HMCN2: variants seen among roughly 807,000 people sequenced by gnomAD.
HMCN2 encodes hemicentin 2, also known as hemicentin-2.
In HMCN2, 325 loss-of-function variants were observed where a neutral mutation model predicts 377.5. That is an observed-to-expected ratio of 0.86 (90% CI 0.79 to 0.94). The LOEUF (loss-of-function observed/expected upper bound fraction) is 0.94, where lower values mean the gene tolerates loss of function less well. Ranked by LOEUF, HMCN2 falls within the 40% of genes least tolerant of loss-of-function variation. The probability of loss-of-function intolerance (pLI) is 0.00; values close to 1 mark genes in which losing one functional copy is unlikely to be tolerated. For missense variants in HMCN2, 4,543 were observed against 4,725.3 expected, an observed-to-expected ratio of 0.96 and a Z score of 1.13; for synonymous variants, 2,007 against 2,046.8, an observed-to-expected ratio of 0.98 and a Z score of 0.53.
intron 61 of HMCN2, among the ~76,000 whole-genome samples, chr9:130,387,327 A>C (rs62580987): frequency 2.6e-5 from 4 of 152,150 alleles, no homozygotes; most frequent in African/African-American, 7.2e-5. Flanking sequence ...ACTCTTATTC[A>C]AAAGCCCAGA....
chr9:130,372,697 C>T (rs1331608798), intron 47 of HMCN2, among the ~76,000 whole-genome samples: 4 of 152,236 alleles, frequency 2.6e-5, no homozygotes, highest in Admixed American at 2.0e-4. Context: ...GATCGTGCCA[C>T]TGCACTCCAG....
At chr9:130,309,449 A>G (rs1837093237) in intron 14 of HMCN2, among the ~76,000 whole-genome samples, 1 of 137,414 alleles carries the variant, frequency 7.3e-6, no homozygotes, top group Non-Finnish European at 1.5e-5. Flanking sequence ...TGGGAGGTAG[A>G]GGTTGCAGTG....
chr9:130,403,195 C>A lies in HMCN2; in HGVS notation c.11880C>A (p.Ala3960=). The A allele has an allele frequency of 1.6e-6, 2 of 1,288,894 alleles. No individual in the cohort carries two copies. Among genetic ancestry groups the A allele is most frequent in the Non-Finnish European group, 2.0e-6 (2 of 988,244 alleles). The allele number at this position is 1,288,894 out of a possible 1,614,324, so 79.8% of individuals were successfully genotyped here. Reference sequence around the variant, plus strand: ...CCTCTGCACCCCCGTCCTTTGTAGCCTCCCCGGTGGTGAAGCCGCTGCCCA... The same window carrying A: ...CCTCTGCACCCCCGTCCTTTGTAGCATCCCCGGTGGTGAAGCCGCTGCCCA... The part of the protein sequence containing the change: ...AHKHVFLTVQ[A]SPVVKPLPSV... The change falls in exon 79 of 98, where the codon GCC becomes GCA. Residue 3960 remains alanine (A), a splice_region_variant and synonymous_variant. Coordinates refer to ENST00000683500, the MANE Select transcript of HMCN2 (RefSeq NM_001291815.2).
intron 74 of HMCN2, 111 bp downstream of exon 74, chr9:130,397,766 T>A: frequency 9.8e-7 from 1 of 1,019,840 alleles, no homozygotes; most frequent in Non-Finnish European, 1.3e-6. Flanking sequence ...TCTTCAAATG[T>A]TTTTGACCAT....
At chr9:130,378,397 AGGGGG>A (rs1841510524) in intron 53 of HMCN2, among the ~76,000 whole-genome samples, 1 of 38,682 alleles carries the variant, frequency 2.6e-5, no homozygotes, top group Non-Finnish European at 4.6e-5. Flanking sequence ...GGAGGCTGGG[AGGGGG>A]AGGCAGGGAG....
At chr9:130,390,931 G>A in intron 62 of HMCN2, 46 bp from the exon 63 acceptor site, 1 of 985,406 alleles carries the variant, frequency 1.0e-6, no homozygotes. Context: ...TTTCCTATGA[G>A]CACAAGAAGG....
chr9:130,377,210 T>A (rs1348656794), intron 52 of HMCN2, among the ~76,000 whole-genome samples: 3 of 151,998 alleles, frequency 2.0e-5, no homozygotes, highest in Non-Finnish European at 4.4e-5. Flanking sequence ...GCCTCCTGGG[T>A]TCAAGTGATT....
intron 39 of HMCN2, among the ~76,000 whole-genome samples, chr9:130,362,629 A>G (rs1444459316): frequency 6.6e-6 from 1 of 152,222 alleles, no homozygotes; most frequent in Non-Finnish European, 1.5e-5. Flanking sequence ...ATGTGTGGCG[A>G]GTGGACAGAG....
intron 23 of HMCN2, among the ~76,000 whole-genome samples, chr9:130,340,520 C>CTTT (rs879005826): frequency 4.6e-4 from 66 of 144,234 alleles, no homozygotes; most frequent in South Asian, 1.8e-3. Context: ...CCAAGTGGCG[C>CTTT]TTTTTTTTTT....
At chr9:130,363,973 GGAAA>G (rs1022744447) in intron 40 of HMCN2, among the ~76,000 whole-genome samples, 25 of 146,680 alleles carry the variant, frequency 1.7e-4, no homozygotes, top group South Asian at 4.4e-4. Context: ...AAGGAAGGAA[GGAAA>G]GAAAGAAAGA....
At chr9:130,287,732 A>G (rs1448973989) in intron 4 of HMCN2, among the ~76,000 whole-genome samples, 1 of 152,142 alleles carries the variant, frequency 6.6e-6, no homozygotes, top group Non-Finnish European at 1.5e-5. Context: ...AGCACTTTAC[A>G]TTTCCCAGCT....
chr9:130,360,676 TC>T lies in HMCN2; in HGVS notation c.5950+74del. The T allele has an allele frequency of 1.1e-6, 1 of 939,614 alleles. No individual in the cohort carries two copies. The highest frequency in any genetic ancestry group is 1.4e-6 in the Non-Finnish European group (1 of 693,160). The allele number at this position is 939,614 out of a possible 1,614,324, so 58.2% of individuals were successfully genotyped here. A position where few individuals can be genotyped will look rare whatever the true frequency, so the allele number is the denominator to read the frequency against. ...TTTCATTCATTTGTCTATTAGTCTG[TC>T]CATCCACCTGTCCACTCATCCATCC... On this transcript the variant is annotated intron_variant, in intron 38 of 97. Transcript: ENST00000683500. This position sits in a 1 kb window ranked among gnomAD's most constrained non-coding sequence, Gnocchi z 4.7.
chr9:130,383,006 T>G (rs1421378944), intron 56 of HMCN2, 140 bp downstream of exon 56: 1 of 417,026 alleles, frequency 2.4e-6, no homozygotes, highest in Non-Finnish European at 3.2e-6. Context: ...AAGAATCACC[T>G]GTGAGGAGGC....
chr9:130,355,884 G>A (rs774492343), intron 33 of HMCN2, 30 bp downstream of exon 33: 3 of 1,225,178 alleles, frequency 2.4e-6, no homozygotes, highest in South Asian at 2.5e-5. Context: ...GGCCAGGGCT[G>A]GGGGTAGGCA....
At chr9:130,284,496 C>A (rs782257920) in intron 1 of HMCN2, 107 bp from the exon 2 acceptor site, 4 of 438,588 alleles carry the variant, frequency 9.1e-6, no homozygotes, top group Non-Finnish European at 1.9e-5. Flanking sequence ...TGTGTGCCAG[C>A]CTCAGCTCCT....
chr9:130,370,749 A>C (rs565256949), intron 45 of HMCN2, among the ~76,000 whole-genome samples: 110 of 152,274 alleles, frequency 7.2e-4, no homozygotes, highest in Non-Finnish European at 1.3e-3. Flanking sequence ...ACTGAGGCCC[A>C]AGGAGCCTGC....
chr9:130,404,109 G>A (rs1053308543), intron 80 of HMCN2, among the ~76,000 whole-genome samples: 2 of 152,120 alleles, frequency 1.3e-5, no homozygotes, highest in South Asian at 4.1e-4. Context: ...ATTCATTCTG[G>A]TTTCCAGTAG....
At chr9:130,266,782 C>G (rs1384543184) in intron 1 of HMCN2, among the ~76,000 whole-genome samples, 1 of 152,200 alleles carries the variant, frequency 6.6e-6, no homozygotes, top group Non-Finnish European at 1.5e-5. Flanking sequence ...CTCCTTCTTC[C>G]CTGCACGCTG....
intron 86 of HMCN2, among the ~76,000 whole-genome samples, chr9:130,420,854 G>A (rs1261187702): frequency 6.6e-6 from 1 of 152,008 alleles, no homozygotes; most frequent in Non-Finnish European, 1.5e-5. Context: ...AGACTTCAAC[G>A]TATGAATTTT....
Sources: allele counts gnomAD v4.1 joint callset (sites outside exome capture counted in the v4.1 genomes callset), GRCh38; gene constraint gnomAD v4.1.1; non-coding constraint Gnocchi (gnomAD v3.1); transcripts MANE v1.5; gene names NCBI Gene and HGNC (gene_info 2026-07-23, HGNC 2026-07-21).